DYM: variants seen among roughly 807,000 people sequenced by gnomAD.
DYM encodes the protein dyggve-Melchior-Clausen syndrome protein.
Under a neutral mutation model 93.1 loss-of-function variants are expected in DYM, and 78 were observed. The ratio of observed to expected loss-of-function variants is 0.84; its 90% confidence interval spans 0.70 to 1.01. The LOEUF (loss-of-function observed/expected upper bound fraction) is 1.01. Among genes scored for constraint, DYM ranks in the 50% least tolerant of loss-of-function variants. The pLI is 0.00. For missense variants in DYM, 789 were observed against 845.0 expected, an observed-to-expected ratio of 0.93 and a Z score of 0.82; for synonymous variants, 321 against 319.7, an observed-to-expected ratio of 1.00 and a Z score of -0.04.
At chr18:49,303,635 C>A (rs1242827744) in intron 8 of DYM, among the ~76,000 whole-genome samples, 1 of 152,154 alleles carries the variant, frequency 6.6e-6, no homozygotes, top group African/African-American at 2.4e-5. Flanking sequence ...AAAGAGAGGG[C>A]AGGCTCTGAG....
At chr18:49,288,537 G>A (rs574892118) in intron 8 of DYM, among the ~76,000 whole-genome samples, 1 of 152,146 alleles carries the variant, frequency 6.6e-6, no homozygotes, top group African/African-American at 2.4e-5. Context: ...CCAGCACTTT[G>A]GGAGGCTAAG....
intron 15 of DYM, among the ~76,000 whole-genome samples, chr18:49,162,726 G>A (rs971937260): frequency 6.6e-6 from 1 of 152,230 alleles, no homozygotes; most frequent in African/African-American, 2.4e-5. Context: ...GGTAAGACTG[G>A]AGTCACACCC....
At chr18:49,238,805 AAG>A (rs1267055296) in intron 13 of DYM, among the ~76,000 whole-genome samples, 5 of 151,934 alleles carry the variant, frequency 3.3e-5, no homozygotes, top group African/African-American at 1.2e-4. Context: ...AAAAAAAAAA[AAG>A]AAACACTCCT....
chr18:49,289,764 TATATATATACAC>T (rs1300807942), intron 8 of DYM, among the ~76,000 whole-genome samples: 43 of 48,458 alleles, frequency 8.9e-4, no homozygotes, highest in Admixed American at 4.8e-3. Context: ...TATATATATA[TATATATATACAC>T]ATATATATAT....
Position 49,265,157 on chromosome 18 carries a change from T to TA in DYM, c.1252-6665dup, listed in dbSNP as rs569033052. ...CAGGCTGTCCCATGGTAACATGTGGTAAAAAAAATGCTTCTATGAGCCCAA... is the reference window on the plus strand; with the variant it reads ...CAGGCTGTCCCATGGTAACATGTGGTAAAAAAAAATGCTTCTATGAGCCCAA... On this transcript the variant is annotated intron_variant, in intron 11 of 17. Transcript: ENST00000675505. 4.7e-4 allele frequency among the ~76,000 whole-genome samples: 71 copies of TA among 151,948 alleles called. No individual in the cohort carries two copies. The South Asian group carries it at 5.0e-3, about 11-fold the overall frequency.
chr18:49,425,182 G>C (rs2074147176), intron 2 of DYM, among the ~76,000 whole-genome samples: 2 of 152,234 alleles, frequency 1.3e-5, no homozygotes, highest in South Asian at 4.1e-4. Context: ...CATGGTACTG[G>C]TACCAAAACA....
At chr18:49,162,200 C>G (rs1037459333) in intron 15 of DYM, among the ~76,000 whole-genome samples, 1 of 152,192 alleles carries the variant, frequency 6.6e-6, no homozygotes, top group Admixed American at 6.5e-5. Context: ...CTATTCTATT[C>G]CATCAGCATC....
intron 14 of DYM, among the ~76,000 whole-genome samples, chr18:49,194,676 T>C (rs951572177): frequency 7.2e-5 from 11 of 151,824 alleles, no homozygotes; most frequent in African/African-American, 2.7e-4. Context: ...CTAAAATTTA[T>C]TCTGGGTGGG....
At chr18:49,122,397 C>T (rs912919944) in intron 15 of DYM, among the ~76,000 whole-genome samples, 3 of 152,150 alleles carry the variant, frequency 2.0e-5, no homozygotes, top group African/African-American at 4.8e-5. Flanking sequence ...ACTGTTACTA[C>T]CTTAGTGACC....
At chr18:49,146,386 G>A (rs1600126772) in intron 15 of DYM, among the ~76,000 whole-genome samples, 2 of 152,144 alleles carry the variant, frequency 1.3e-5, no homozygotes, top group African/African-American at 4.8e-5. Flanking sequence ...ATTCAATTCG[G>A]AAAAGAGGAA....
intron 4 of DYM, 59 bp downstream of exon 4, chr18:49,379,606 G>A: frequency 2.2e-6 from 3 of 1,372,518 alleles, no homozygotes; most frequent in Non-Finnish European, 3.1e-6. Flanking sequence ...ATCAATAAAT[G>A]AAAACTAAAA....
chr18:49,219,454 A>G (rs1418978672), intron 13 of DYM, among the ~76,000 whole-genome samples: 1 of 152,186 alleles, frequency 6.6e-6, no homozygotes, highest in Non-Finnish European at 1.5e-5. Context: ...ACACAACCAA[A>G]AAAGAGAATT....
chr18:49,140,722 G>T (rs934326128), intron 15 of DYM, among the ~76,000 whole-genome samples: 2 of 152,090 alleles, frequency 1.3e-5, no homozygotes, highest in African/African-American at 4.8e-5. Flanking sequence ...AGGAACAGGG[G>T]TATGGACATA....
chr18:49,227,171 G>A (rs2093562269), intron 13 of DYM, among the ~76,000 whole-genome samples: 1 of 152,096 alleles, frequency 6.6e-6, no homozygotes, highest in Admixed American at 6.5e-5. Flanking sequence ...CATTTTTAAA[G>A]TCATTATTTT....
chr18:49,422,463 C>A (rs545342350), intron 2 of DYM, among the ~76,000 whole-genome samples: 2 of 152,128 alleles, frequency 1.3e-5, no homozygotes, highest in African/African-American at 4.8e-5. Flanking sequence ...TAAAGACCAT[C>A]GAGGCTAGGA....
intron 14 of DYM, among the ~76,000 whole-genome samples, chr18:49,166,554 C>T (rs893458940): frequency 3.3e-5 from 5 of 150,626 alleles, no homozygotes; most frequent in African/African-American, 1.2e-4. Context: ...TACTGAACTG[C>T]ATTAGGGGGT....
At chr18:49,235,436 G>A (rs1214894960) in intron 13 of DYM, among the ~76,000 whole-genome samples, 1 of 146,388 alleles carries the variant, frequency 6.8e-6, no homozygotes, top group East Asian at 2.0e-4. Flanking sequence ...AAGCTAAAGT[G>A]AAATACTATT....
chr18:49,136,894 G>T (rs1347472761), intron 15 of DYM, among the ~76,000 whole-genome samples: 1 of 152,082 alleles, frequency 6.6e-6, no homozygotes, highest in Non-Finnish European at 1.5e-5. Flanking sequence ...ATAAGGAAAA[G>T]ATTTTGTTAA....
chr18:49,046,687 C>T (rs1482185502), intron 17 of DYM, among the ~76,000 whole-genome samples: 1 of 152,120 alleles, frequency 6.6e-6, no homozygotes, highest in African/African-American at 2.4e-5. Flanking sequence ...ATCACTTGAA[C>T]CCAGGAGTTA....
Sources: allele counts gnomAD v4.1 joint callset (sites outside exome capture counted in the v4.1 genomes callset), GRCh38; gene constraint gnomAD v4.1.1; transcripts MANE v1.5; gene names NCBI Gene and HGNC (gene_info 2026-07-23, HGNC 2026-07-21).